The following STPG2 variants were observed in gnomAD, a reference collection of about 807,000 sequenced individuals.
STPG2 encodes sperm-tail PG-rich repeat-containing protein 2.
STPG2 carries 56 observed loss-of-function variants against 54.2 expected under a neutral mutation model. The observed-to-expected ratio is 1.03, with a 90% CI of 0.83 to 1.29. The LOEUF (loss-of-function observed/expected upper bound fraction) is 1.29, where lower values mean the gene tolerates loss of function less well. Ranked by LOEUF, STPG2 falls within the 50% of genes most tolerant of loss-of-function variation. The pLI, the probability that STPG2 is intolerant of heterozygous loss-of-function variation, is 0.00. For missense variants in STPG2, 596 were observed against 544.9 expected (o/e 1.09, Z -0.93); for synonymous variants, 200 against 181.8 (o/e 1.10, Z -0.81).
intron 3 of STPG2, among the ~76,000 whole-genome samples, chr4:98,119,135 T>G (rs1739601320): frequency 6.6e-6 from 1 of 152,136 alleles, no homozygotes; most frequent in Non-Finnish European, 1.5e-5. Flanking sequence ...ATGAAATATC[T>G]ATTTAGTCTT....
chr4:97,974,297 T>C (rs140297998), intron 6 of STPG2, among the ~76,000 whole-genome samples: 1,825 of 152,284 alleles, frequency 0.012, 32 homozygotes, highest in African/African-American at 0.042. Context: ...ATCTAGGAAG[T>C]AACTAACTTG....
chr4:97,451,265 G>A (rs1287937652), intron 4 of STPG2, among the ~76,000 whole-genome samples: 1 of 152,162 alleles, frequency 6.6e-6, no homozygotes, highest in Non-Finnish European at 1.5e-5. Flanking sequence ...CAGTACTACT[G>A]AAAAGTGGTG....
At chr4:98,140,251 G>A (rs887070372) in intron 1 of STPG2, among the ~76,000 whole-genome samples, 2 of 152,178 alleles carry the variant, frequency 1.3e-5, no homozygotes, top group African/African-American at 4.8e-5. Flanking sequence ...TGTAGGTCAG[G>A]TGGAGGTGGA....
At chr4:97,932,906 T>G (rs1401582705) in intron 8 of STPG2, among the ~76,000 whole-genome samples, 2 of 152,198 alleles carry the variant, frequency 1.3e-5, no homozygotes, top group Non-Finnish European at 2.9e-5. Context: ...CTGGATCAAT[T>G]GGTATTCCTG....
intron 5 of STPG2, among the ~76,000 whole-genome samples, chr4:98,102,413 T>C (rs1240698089): frequency 6.6e-6 from 1 of 152,192 alleles, no homozygotes; most frequent in African/African-American, 2.4e-5. Flanking sequence ...TGGAAGAGAT[T>C]ATATGACCCA....
At chr4:98,013,139 T>C (rs966733944) in intron 5 of STPG2, among the ~76,000 whole-genome samples, 4 of 152,238 alleles carry the variant, frequency 2.6e-5, no homozygotes, top group African/African-American at 7.2e-5. Flanking sequence ...ATACCTAGTT[T>C]ATTGAGAGTT....
intron 9 of STPG2, among the ~76,000 whole-genome samples, chr4:97,769,447 T>C (rs1328835128): frequency 6.6e-6 from 1 of 152,032 alleles, no homozygotes; most frequent in East Asian, 1.9e-4. Flanking sequence ...AATAAACACA[T>C]GCCTCCAAAT....
chr4:98,115,683 T>A (rs1739496784), intron 3 of STPG2, among the ~76,000 whole-genome samples: 1 of 151,968 alleles, frequency 6.6e-6, no homozygotes, highest in Non-Finnish European at 1.5e-5. Context: ...AAATATTATT[T>A]CAAAAAGCAA....
At chr4:97,727,442 A>G (rs868602078) in intron 9 of STPG2, among the ~76,000 whole-genome samples, 1 of 151,918 alleles carries the variant, frequency 6.6e-6, no homozygotes, top group South Asian at 2.1e-4. Flanking sequence ...GGTAAAGATG[A>G]CAACGTTTAT....
chr4:97,664,172 A>T (rs1050669982), intron 10 of STPG2, among the ~76,000 whole-genome samples: 6 of 152,196 alleles, frequency 3.9e-5, no homozygotes, highest in African/African-American at 1.4e-4. Context: ...TATCTCATTT[A>T]ATCTTCACAA....
chr4:97,824,839 C>T (rs1728204481), intron 9 of STPG2, among the ~76,000 whole-genome samples: 1 of 152,142 alleles, frequency 6.6e-6, no homozygotes, highest in Admixed American at 6.5e-5. Context: ...GGTTCAATTT[C>T]TGGCTTAGGG....
At chr4:98,092,588 T>C (rs1165765792) in intron 5 of STPG2, among the ~76,000 whole-genome samples, 2 of 152,092 alleles carry the variant, frequency 1.3e-5, no homozygotes, top group African/African-American at 2.4e-5. Flanking sequence ...CAGAAAGTTT[T>C]AAATTATTTC....
At position 98,115,161 on chromosome 4, in the gene STPG2, C is replaced by T. The variant is rs1039353140; in HGVS notation, c.388-5856G>A. On this transcript the variant is annotated intron_variant, in intron 3 of 10. Transcript: ENST00000295268. Reference sequence around the variant, plus strand: ...TTAAATAAATGAAGATGGGGCTATGCAACTTTCCCCCATGTCTTTCCATAA... The same window carrying T: ...TTAAATAAATGAAGATGGGGCTATGTAACTTTCCCCCATGTCTTTCCATAA... 7.2e-5 allele frequency among the ~76,000 whole-genome samples: 11 copies of T among 151,944 alleles called. 1 individual carries two copies. In the South Asian group the frequency reaches 2.1e-3, roughly 29 times the overall value.
At chr4:97,797,619 T>G (rs1030386718) in intron 9 of STPG2, among the ~76,000 whole-genome samples, 3 of 152,216 alleles carry the variant, frequency 2.0e-5, no homozygotes, top group Non-Finnish European at 2.9e-5. Flanking sequence ...TTTGCATTGA[T>G]GTTCATCAGG....
At chr4:97,460,411 T>C (rs1335278331) in intron 4 of STPG2, among the ~76,000 whole-genome samples, 1 of 152,084 alleles carries the variant, frequency 6.6e-6, no homozygotes, top group Non-Finnish European at 1.5e-5. Context: ...GACATAGACA[T>C]TTGAATTATT....
intron 9 of STPG2, among the ~76,000 whole-genome samples, chr4:97,759,331 G>A (rs1031733042): frequency 6.6e-6 from 1 of 152,082 alleles, no homozygotes; most frequent in Non-Finnish European, 1.5e-5. Context: ...ATTGTCACTT[G>A]TCTCTGAAAT....
At chr4:97,540,383 G>C (rs1731664636) in intron 4 of STPG2, among the ~76,000 whole-genome samples, 1 of 152,078 alleles carries the variant, frequency 6.6e-6, no homozygotes, top group Non-Finnish European at 1.5e-5. Flanking sequence ...AGAAGAAATG[G>C]ATAAATTCCT....
intron 4 of STPG2, among the ~76,000 whole-genome samples, chr4:97,462,557 T>G (rs1011474589): frequency 1.3e-5 from 2 of 152,056 alleles, no homozygotes; most frequent in Non-Finnish European, 2.9e-5. Context: ...TTCTATTTGT[T>G]TATATAATTC....
chr4:97,699,857 A>G (rs1723707871), intron 10 of STPG2, among the ~76,000 whole-genome samples: 1 of 152,148 alleles, frequency 6.6e-6, no homozygotes, highest in Admixed American at 6.5e-5. Flanking sequence ...TGGGCATTTG[A>G]GCACTTCCTC....
Sources: gnomAD v4.1 joint callset for allele counts (sites outside exome capture counted in the v4.1 genomes callset) on GRCh38, gnomAD v4.1.1 for gene constraint, MANE v1.5 for transcripts, NCBI Gene and HGNC (gene_info 2026-07-23, HGNC 2026-07-21) for gene names.